DIP2B: variants seen among roughly 807,000 people sequenced by gnomAD.
DIP2B encodes the protein DIP2 acetate--CoA ligase B (putative).
In DIP2B, 76 loss-of-function variants were observed where a neutral mutation model predicts 198.0. The observed-to-expected ratio is 0.38, with a 90% confidence interval of 0.32 to 0.46. The LOEUF is 0.46. DIP2B is among the 20% of genes least tolerant of loss of function. DIP2B has a pLI of 0.99. For missense variants in DIP2B, 1,559 were observed against 1,978.4 expected (o/e 0.79, Z 4.02); for synonymous variants, 701 against 739.1 (o/e 0.95, Z 0.84).
At chr12:50,559,532 G>C (rs1038180185) in intron 1 of DIP2B, among the ~76,000 whole-genome samples, 1 of 152,004 alleles carries the variant, frequency 6.6e-6, no homozygotes, top group Non-Finnish European at 1.5e-5. Context: ...CTTGAGCCTA[G>C]GAGTTTAAGA....
At chr12:50,632,456 G>A (rs1434373415) in intron 2 of DIP2B, among the ~76,000 whole-genome samples, 1 of 133,412 alleles carries the variant, frequency 7.5e-6, no homozygotes. Context: ...TCCAGCCTGG[G>A]TGACACAGCA....
chr12:50,601,254 G>A (rs191242940), intron 1 of DIP2B, among the ~76,000 whole-genome samples: 4 of 152,210 alleles, frequency 2.6e-5, no homozygotes, highest in East Asian at 1.9e-4. Context: ...GTGTTTATGT[G>A]TATAGTACAA....
At chr12:50,636,001 G>A (rs949519347) in intron 2 of DIP2B, among the ~76,000 whole-genome samples, 3 of 152,188 alleles carry the variant, frequency 2.0e-5, no homozygotes, top group Admixed American at 2.0e-4. Flanking sequence ...GGAGATACAA[G>A]ATGCTTAAGA....
At chr12:50,709,530 C>T (rs916300737) in intron 22 of DIP2B, among the ~76,000 whole-genome samples, 10 of 151,508 alleles carry the variant, frequency 6.6e-5, no homozygotes, top group East Asian at 3.9e-4. Context: ...CCCAGCTACT[C>T]GGGAGGCTGA....
In DIP2B at chr12:50,732,510, A is replaced by G; in HGVS notation, c.3955A>G (p.Arg1319Gly). The G allele has an allele frequency of 6.2e-7, 1 of 1,614,240 alleles. No homozygotes were observed. The highest frequency in any genetic ancestry group is 8.5e-7 in the Non-Finnish European group (1 of 1,180,044). ...PRAVSTTFGSRVNVAICLQGT... is the reference protein window; with the variant it reads ...PRAVSTTFGSGVNVAICLQGT... Reference sequence around the variant, plus strand: ...GGCTGTCAGCACCACTTTTGGATCAAGAGTCAATGTAGCAATATGTTTACA... The same window carrying G: ...GGCTGTCAGCACCACTTTTGGATCAGGAGTCAATGTAGCAATATGTTTACA... The change falls in exon 32 of 38, where the codon AGA (arginine) becomes GGA (glycine). Residue 1319 changes from arginine to glycine, a missense_variant. Transcript: ENST00000301180.
chr12:50,545,696 C>T (rs1174130997), intron 1 of DIP2B, among the ~76,000 whole-genome samples: 7 of 140,926 alleles, frequency 5.0e-5, no homozygotes, highest in East Asian at 4.4e-4. Flanking sequence ...TTTTTCATAA[C>T]GCTATCTGGG....
chr12:50,542,508 T>C (rs1958335896), intron 1 of DIP2B, among the ~76,000 whole-genome samples: 1 of 152,190 alleles, frequency 6.6e-6, no homozygotes, highest in Non-Finnish European at 1.5e-5. Flanking sequence ...ATTATGTTCA[T>C]GCCCATGTCT....
intron 33 of DIP2B, among the ~76,000 whole-genome samples, chr12:50,734,702 T>C (rs1940105931): frequency 6.6e-6 from 1 of 152,194 alleles, no homozygotes; most frequent in South Asian, 2.1e-4. Flanking sequence ...AGTGCCCCAC[T>C]GCACTGACCT....
intron 1 of DIP2B, among the ~76,000 whole-genome samples, chr12:50,561,879 G>C (rs1958522214): frequency 6.6e-6 from 1 of 152,172 alleles, no homozygotes; most frequent in Non-Finnish European, 1.5e-5. Context: ...AAAATGCGGG[G>C]ATTACAGGCA....
At chr12:50,717,843 C>T (rs1398883557) in intron 23 of DIP2B, among the ~76,000 whole-genome samples, 1 of 151,784 alleles carries the variant, frequency 6.6e-6, no homozygotes, top group Non-Finnish European at 1.5e-5. Flanking sequence ...CCGCCTCGGC[C>T]TCCTAAAGTG....
At chr12:50,656,817 C>T (rs1424237082) in intron 3 of DIP2B, among the ~76,000 whole-genome samples, 1 of 152,094 alleles carries the variant, frequency 6.6e-6, no homozygotes, top group African/African-American at 2.4e-5. Context: ...GGTGATGCAC[C>T]CTCTTCGGCC....
chr12:50,603,121 G>A (rs1254978562), intron 1 of DIP2B, among the ~76,000 whole-genome samples: 1 of 147,926 alleles, frequency 6.8e-6, no homozygotes, highest in African/African-American at 2.5e-5. Flanking sequence ...CCGAGGTTCG[G>A]CCACTGCACT....
chr12:50,623,431 ACACACACTCTCTCTCT>A (rs1390177713), intron 1 of DIP2B, among the ~76,000 whole-genome samples: 9 of 51,746 alleles, frequency 1.7e-4, no homozygotes, highest in Admixed American at 6.7e-4. Flanking sequence ...ACACACACAC[ACACACACTCTCTCTCT>A]CTCTCTCTCT....
Position 50,724,736 on chromosome 12 carries a change from G to A in DIP2B, c.3289-39G>A, listed in dbSNP as rs750760487. 23 of 1,592,308 alleles carry A rather than the reference G, an allele frequency of 1.4e-5. No individual in the cohort carries two copies. In the African/African-American group the frequency reaches 2.6e-4, roughly 18 times the overall value. ...GGGCCTGTGGTGCCATGTTGGGGCT[G>A]AGCCTCCTGATGCTTATTGCTGTCC... On this transcript the variant is annotated intron_variant, in intron 27 of 37. Transcript: ENST00000301180.
intron 1 of DIP2B, among the ~76,000 whole-genome samples, chr12:50,556,159 C>T (rs1267711423): frequency 6.6e-6 from 1 of 152,112 alleles, no homozygotes; most frequent in Non-Finnish European, 1.5e-5. Flanking sequence ...AAGCAATTCT[C>T]CTGCCTCAGC....
intron 20 of DIP2B, among the ~76,000 whole-genome samples, chr12:50,705,537 C>A (rs1462806199): frequency 6.6e-6 from 1 of 152,238 alleles, no homozygotes; most frequent in Non-Finnish European, 1.5e-5. Context: ...TTGGTCTGAA[C>A]TAGTCCTGCA....
chr12:50,600,925 CACCACCACCACCACT>C (rs1305887950), intron 1 of DIP2B, among the ~76,000 whole-genome samples: 92 of 145,814 alleles, frequency 6.3e-4, no homozygotes, highest in African/African-American at 2.1e-3. Context: ...CCACCACCAC[CACCACCACCACCACT>C]ACCACCACCA....
rs144701131 is a variant in DIP2B at position 50,539,491 on chromosome 12, G to A, written c.100+34251G>A. 8.1e-4 allele frequency among the ~76,000 whole-genome samples: 123 copies of A among 151,798 alleles called. 2 individuals carry two copies. The highest frequency in any genetic ancestry group is 2.8e-3 in the African/African-American group (115 of 41,412). ...AAATTAGCTGAGCGTAGTGGCAGGC[G>A]CCTGTAATCCCAGCTACTCAGGAGA... is the stretch of plus-strand genomic sequence containing the variant. On this transcript the variant is annotated intron_variant, in intron 1 of 37. Transcript: ENST00000301180.
At chr12:50,737,358 G>A (rs968190005) in intron 35 of DIP2B, among the ~76,000 whole-genome samples, 1 of 152,118 alleles carries the variant, frequency 6.6e-6, no homozygotes, top group African/African-American at 2.4e-5. Flanking sequence ...AGCTAGAAAG[G>A]AAAGTGAGCA....
Sources: allele counts gnomAD v4.1 joint callset (sites outside exome capture counted in the v4.1 genomes callset), GRCh38; gene constraint gnomAD v4.1.1; transcripts MANE v1.5; gene names NCBI Gene and HGNC (gene_info 2026-07-23, HGNC 2026-07-21).